Variants in KCP observed in about 807,000 individuals in gnomAD.
KCP encodes the protein kielin cysteine rich BMP regulator, also known as kielin/chordin-like protein.
A neutral mutation model predicts 212.7 loss-of-function variants in KCP; 194 were observed. The observed-to-expected ratio is 0.91, with a 90% CI of 0.81 to 1.03. KCP has a LOEUF of 1.03. Ranked by LOEUF, KCP falls within the 50% of genes least tolerant of loss-of-function variation. The probability of loss-of-function intolerance (pLI) is 0.00; values close to 1 mark genes in which losing one functional copy is unlikely to be tolerated. For missense variants in KCP, 2,080 were observed against 2,162.5 expected, an observed-to-expected ratio of 0.96 and a Z score of 0.76; for synonymous variants, 833 against 865.3, an observed-to-expected ratio of 0.96 and a Z score of 0.65.
chr7:128,888,743 AGT>A, intron 22 of KCP, 118 bp downstream of exon 22: 2 of 954,194 alleles, frequency 2.1e-6, no homozygotes, highest in East Asian at 2.6e-5. Flanking sequence ...GGAGTCGGAG[AGT>A]GAGAGAAAAG....
chr7:128,902,488 C>T (rs1480810940), intron 8 of KCP, among the ~76,000 whole-genome samples: 1 of 152,214 alleles, frequency 6.6e-6, no homozygotes, highest in African/African-American at 2.4e-5. Context: ...GATTCCCCTA[C>T]TCTGGAGCTT....
rs746312809 is a variant in KCP at position 128,890,482 on chromosome 7, G to A, written c.2196C>T (p.Ser732=). The A allele has an allele frequency of 1.9e-6, 3 of 1,550,108 alleles. No individual in the cohort carries two copies. Among genetic ancestry groups the A allele is most frequent in the African/African-American group, 1.4e-5 (1 of 73,010 alleles). Residue 732 remains serine (S), a synonymous_variant, in exon 21 of 40, where the codon AGC becomes AGT. Transcript: ENST00000610776. ...GCLYQGKEFA[S]GERFPSPTAA... is the part of the protein sequence containing the mutation. ...CAGTGGGCGATGGGAAGCGCTCCCC[G>A]CTGGCAAACTCCTTCCCCTGGTACA...
At chr7:128,883,948 G>A (rs1487181362) in intron 29 of KCP, 54 bp downstream of exon 29, 3 of 1,513,014 alleles carry the variant, frequency 2.0e-6, no homozygotes, top group Non-Finnish European at 1.8e-6. Context: ...AAGGGCGGCA[G>A]GGGGTGGCAG....
At position 128,890,462 on chromosome 7, in the gene KCP, G is replaced by C; in HGVS notation, c.2216C>G (p.Pro739Arg). 1 of 1,550,996 alleles carries C rather than the reference G, an allele frequency of 6.4e-7. No homozygotes were observed. The highest frequency in any genetic ancestry group is 8.7e-7 in the Non-Finnish European group (1 of 1,146,970). ...EFASGERFPSPTAACHLCLCW... is the reference protein window; with the variant it reads ...EFASGERFPSRTAACHLCLCW... ...AAGGCAGAGGTGGCAGGCAGCAGTG[G>C]GCGATGGGAAGCGCTCCCCGCTGGC... The change falls in exon 21 of 40, where the codon CCC becomes CGC. Residue 739 changes from proline (P) to arginine (R), a missense_variant. By Grantham distance (103) the Pro-to-Arg change is moderately radical. Transcript: ENST00000610776.
In KCP at chr7:128,889,039, C is replaced by A. The variant is rs1437636545; in HGVS notation, c.2336G>T (p.Gly779Val). 4 of 1,493,936 alleles carry A rather than the reference C, an allele frequency of 2.7e-6. No homozygotes were observed. In the Admixed American group the frequency reaches 7.3e-5, roughly 27 times the overall value. The allele number at this position is 1,493,936 out of a possible 1,614,324, so 92.5% of individuals were successfully genotyped here. A position where few individuals can be genotyped will look rare whatever the true frequency, so the allele number is the denominator to read the frequency against. ...GTAGGACTCCCCCAGGTACTCACAG[C>A]CTTTCAGAGAAGAGACAGAGAGGCC... ...ARGDCCPDCD[G>V]CEYLGESYLS... The change falls in exon 22 of 40, where the codon GGC (glycine) becomes GTC (valine). Residue 779 changes from glycine to valine, a missense_variant and splice_region_variant. By Grantham distance (109) the Gly-to-Val change is moderately radical (BLOSUM62 -3). Coordinates refer to ENST00000610776, the MANE Select transcript of KCP (RefSeq NM_001366122.1).
At chr7:128,887,702 TAC>T (rs1316805434) in intron 22 of KCP, among the ~76,000 whole-genome samples, 1 of 120,976 alleles carries the variant, frequency 8.3e-6, no homozygotes, top group Non-Finnish European at 1.7e-5. Flanking sequence ...TATACCCATA[TAC>T]ACACACAGCC....
chr7:128,904,759 G>A (rs913460153), intron 5 of KCP, among the ~76,000 whole-genome samples: 2 of 152,234 alleles, frequency 1.3e-5, no homozygotes, highest in African/African-American at 4.8e-5. Context: ...AGGACTGGGT[G>A]CCACATTAAA....
At chr7:128,889,436 C>G (rs1261277593) in intron 21 of KCP, among the ~76,000 whole-genome samples, 1 of 152,178 alleles carries the variant, frequency 6.6e-6, no homozygotes, top group East Asian at 1.9e-4. Context: ...CTCTTCCGAG[C>G]CCACTGATGA....
chr7:128,890,184 T>C, intron 21 of KCP, 159 bp downstream of exon 21: 1 of 1,386,396 alleles, frequency 7.2e-7, no homozygotes, highest in Non-Finnish European at 9.9e-7. Context: ...CCTCCCAAAT[T>C]GTCGGGGTCA....
chr7:128,897,451 CTG>C (rs1794595993), intron 8 of KCP, among the ~76,000 whole-genome samples: 1 of 152,120 alleles, frequency 6.6e-6, no homozygotes, highest in Non-Finnish European at 1.5e-5. Context: ...CTTCTTTCGT[CTG>C]TGTATTTATA....
rs372446481 is a variant in KCP, at chr7:128,903,492, CATTT to C, written c.748+231_748+234del. On this transcript the variant is annotated intron_variant, in intron 7 of 39. Transcript: ENST00000610776. Reference sequence around the variant, plus strand: ...TGGGGAGCACAAAGTAGAAAGCAAACATTTATTAAGCTGCACTATGAGGCATGGA... The same window carrying C: ...TGGGGAGCACAAAGTAGAAAGCAAACATTAAGCTGCACTATGAGGCATGGA... 3.3e-3 allele frequency: 1,891 copies of C among 575,192 alleles called. 7 individuals are homozygous for C. Among genetic ancestry groups the C allele is most frequent in the South Asian group, 6.3e-3 (295 of 46,710 alleles). 35.6% of individuals were successfully genotyped at this position (575,192 alleles called of 1,614,324 possible). A position where few individuals can be genotyped will look rare whatever the true frequency, so the allele number is the denominator to read the frequency against.
intron 22 of KCP, among the ~76,000 whole-genome samples, chr7:128,888,559 TAC>T (rs1345220342): frequency 9.5e-6 from 1 of 104,778 alleles, no homozygotes; most frequent in Admixed American, 9.2e-5. Flanking sequence ...AACACATACA[TAC>T]ACACACATAT....
Position 128,894,063 on chromosome 7 carries a change from G to C in KCP, c.926-8C>G. The C allele has an allele frequency of 6.5e-7, 1 of 1,548,570 alleles. No individual in the cohort carries two copies. Among genetic ancestry groups the C allele is most frequent in the Non-Finnish European group, 8.7e-7 (1 of 1,145,668 alleles). On this transcript the variant is annotated splice_polypyrimidine_tract_variant and splice_region_variant and intron_variant, in intron 9 of 39. Transcript: ENST00000610776. ...GCCCGTTTAGGAAACAGCCTGTTGGGAAGGGGGGCCTTAGATGTTCCTCAG... is the reference window on the plus strand; with the variant it reads ...GCCCGTTTAGGAAACAGCCTGTTGGCAAGGGGGGCCTTAGATGTTCCTCAG...
rs1206477666 is a variant in KCP, at chr7:128,884,834, G to T, written c.3070C>A (p.Pro1024Thr). 2.6e-6 allele frequency: 4 copies of T among 1,550,834 alleles called. No homozygotes were observed. In the Admixed American group the frequency reaches 7.8e-5, roughly 30 times the overall value. Residue 1024 changes from proline (P) to threonine (T), a missense_variant, in exon 28 of 40, where the codon CCT becomes ACT. Physicochemically the swap from Pro to Thr is conservative, Grantham distance 38. Transcript: ENST00000610776. ...GCCCCAGGCTGGAAGCTCTCCCCAG[G>T]CTCGTACTTCCGGCCCTCATGCTCA... ...DCEHEGRKYE[P>T]GESFQPGADP...
chr7:128,909,822 C>T (rs1437405874), intron 1 of KCP, among the ~76,000 whole-genome samples: 1 of 152,208 alleles, frequency 6.6e-6, no homozygotes, highest in Non-Finnish European at 1.5e-5. Flanking sequence ...GAATACTGGC[C>T]CTCAAACCCC....
Position 128,907,361 on chromosome 7 carries a change from G to A in KCP, c.312C>T (p.Pro104=), listed in dbSNP as rs1585260119. 4 of 1,542,760 alleles carry A rather than the reference G, an allele frequency of 2.6e-6. No individual in the cohort carries two copies. The highest frequency in any genetic ancestry group is 2.4e-5 in the South Asian group (2 of 83,814). The change falls in exon 3 of 40, where the codon CCC becomes CCT. Residue 104 remains proline (P), a synonymous_variant. Transcript: ENST00000610776. ...CGTCAGGCTCCCAGCGTGCCCCCTC[G>A]GGCCAGGCACGCCCCAGCCCCCAGC... ...PQCWGLGRAW[P]EGARWEPDAC...
chr7:128,905,784 G>A (rs1795093587), intron 5 of KCP, among the ~76,000 whole-genome samples: 2 of 152,048 alleles, frequency 1.3e-5, no homozygotes, highest in Non-Finnish European at 2.9e-5. Context: ...TCTCCACCCT[G>A]TCCTTGTGCC....
At chr7:128,903,128 C>A in intron 7 of KCP, 1 of 521,556 alleles carries the variant, frequency 1.9e-6, no homozygotes, top group East Asian at 3.3e-5. Context: ...CCCCTCGTCA[C>A]CTCTCACACC....
chr7:128,897,987 G>A (rs915400975), intron 8 of KCP, among the ~76,000 whole-genome samples: 3 of 152,192 alleles, frequency 2.0e-5, no homozygotes, highest in Non-Finnish European at 4.4e-5. Flanking sequence ...GGGAATTTAT[G>A]CAAGAAATGT....
Sources: gnomAD v4.1 joint callset for allele counts (sites outside exome capture counted in the v4.1 genomes callset) on GRCh38, gnomAD v4.1.1 for gene constraint, MANE v1.5 for transcripts, NCBI Gene and HGNC (gene_info 2026-07-23, HGNC 2026-07-21) for gene names.